The following FAM135A variants were observed in gnomAD, a reference collection of about 807,000 sequenced individuals.
FAM135A encodes protein FAM135A.
In FAM135A, 79 loss-of-function variants were observed where a neutral mutation model predicts 146.8. The ratio of observed to expected loss-of-function variants is 0.54; its 90% CI spans 0.45 to 0.65. The LOEUF (loss-of-function observed/expected upper bound fraction) is 0.65, where lower values mean the gene tolerates loss of function less well. Among genes scored for constraint, FAM135A ranks in the 30% least tolerant of loss-of-function variants. The probability of loss-of-function intolerance (pLI) is 0.00; values close to 1 mark genes in which losing one functional copy is unlikely to be tolerated. For missense variants in FAM135A, 1,623 were observed against 1,758.2 expected (o/e 0.92, Z 1.38); for synonymous variants, 562 against 603.6 (o/e 0.93, Z 1.01).
At chr6:70,452,358 A>G (rs1777295466) in intron 4 of FAM135A, 134 bp from the exon 5 acceptor site, 1 of 642,422 alleles carries the variant, frequency 1.6e-6, no homozygotes, top group Non-Finnish European at 2.6e-6. Context: ...TTTTTCCAAC[A>G]ATAGTAAATG....
chr6:70,522,506 T>C lies in FAM135A; in HGVS notation c.1030-7T>C. ...TGTTATTAATACTCTCCTTTGGAAT[T>C]TTTTAGGTACGCAGATTTTCTGAGG... On this transcript the variant is annotated splice_region_variant and splice_polypyrimidine_tract_variant and intron_variant, in intron 12 of 21. Transcript: ENST00000418814. 1.9e-6 allele frequency: 3 copies of C among 1,612,600 alleles called. No individual in the cohort carries two copies. Among genetic ancestry groups the C allele is most frequent in the Non-Finnish European group, 2.5e-6 (3 of 1,179,012 alleles).
chr6:70,492,170 T>C (rs945866140), intron 11 of FAM135A, among the ~76,000 whole-genome samples: 1 of 151,646 alleles, frequency 6.6e-6, no homozygotes. Flanking sequence ...GGAAATAAGG[T>C]AGGATTTCTC....
intron 12 of FAM135A, among the ~76,000 whole-genome samples, chr6:70,516,629 G>A (rs1416691104): frequency 2.7e-5 from 4 of 145,536 alleles, no homozygotes; most frequent in Non-Finnish European, 4.5e-5. Flanking sequence ...TCCGCCTCCT[G>A]GGTTCACGCC....
At chr6:70,455,064 A>C (rs1424923966) in intron 5 of FAM135A, among the ~76,000 whole-genome samples, 1 of 152,220 alleles carries the variant, frequency 6.6e-6, no homozygotes, top group East Asian at 1.9e-4. Context: ...ATCCACGAGC[A>C]TGGAATGTTT....
intron 12 of FAM135A, among the ~76,000 whole-genome samples, chr6:70,505,829 A>G (rs1212262130): frequency 1.3e-5 from 2 of 151,836 alleles, no homozygotes; most frequent in Non-Finnish European, 2.9e-5. Context: ...TTGTTTCATT[A>G]TTTTTGCTAT....
intron 11 of FAM135A, 132 bp from the exon 12 acceptor site, chr6:70,502,504 G>C (rs1421703754): frequency 1.3e-6 from 1 of 787,698 alleles, no homozygotes; most frequent in Admixed American, 2.8e-5. Context: ...ACATGTGCAT[G>C]CACATACAAA....
intron 7 of FAM135A, among the ~76,000 whole-genome samples, chr6:70,476,266 C>T (rs1202497634): frequency 1.3e-5 from 2 of 152,148 alleles, no homozygotes; most frequent in Non-Finnish European, 2.9e-5. Flanking sequence ...TGCTTGTGTT[C>T]ATTTAAAACA....
chr6:70,437,632 A>G (rs1773471596), intron 4 of FAM135A, among the ~76,000 whole-genome samples: 1 of 152,116 alleles, frequency 6.6e-6, no homozygotes, highest in South Asian at 2.1e-4. Context: ...CAGTCTCAGA[A>G]AATATACTTT....
At chr6:70,506,670 A>T (rs1789829299) in intron 12 of FAM135A, among the ~76,000 whole-genome samples, 1 of 151,582 alleles carries the variant, frequency 6.6e-6, no homozygotes, top group Non-Finnish European at 1.5e-5. Context: ...CAGTAGCAAG[A>T]AATAGTTTTA....
intron 1 of FAM135A, among the ~76,000 whole-genome samples, chr6:70,414,475 C>G (rs540216281): frequency 1.3e-5 from 2 of 152,062 alleles, no homozygotes; most frequent in East Asian, 3.9e-4. Flanking sequence ...CCCAGTGAGT[C>G]TCTAATCTTA....
chr6:70,476,035 T>C (rs1392886851), intron 7 of FAM135A, among the ~76,000 whole-genome samples: 1 of 152,236 alleles, frequency 6.6e-6, no homozygotes, highest in African/African-American at 2.4e-5. Flanking sequence ...AAATGAGCTC[T>C]TTTCCACTGT....
At chr6:70,432,228 A>G (rs146436227) in intron 4 of FAM135A, among the ~76,000 whole-genome samples, 1 of 152,256 alleles carries the variant, frequency 6.6e-6, no homozygotes, top group African/African-American at 2.4e-5. Flanking sequence ...TTTTCTGACA[A>G]TGGAAAAAAT....
intron 4 of FAM135A, among the ~76,000 whole-genome samples, chr6:70,432,924 A>T (rs1772011163): frequency 6.6e-6 from 1 of 151,968 alleles, no homozygotes; most frequent in African/African-American, 2.4e-5. Context: ...AATTGTAGGG[A>T]CTTTTTTTAG....
At chr6:70,481,679 CTAT>C (rs1161622754) in intron 9 of FAM135A, among the ~76,000 whole-genome samples, 1 of 150,472 alleles carries the variant, frequency 6.6e-6, no homozygotes, top group Admixed American at 6.6e-5. Flanking sequence ...ACAAGTACAG[CTAT>C]TATTATAAAA....
At chr6:70,489,046 C>T (rs1287096763) in intron 10 of FAM135A, among the ~76,000 whole-genome samples, 1 of 152,130 alleles carries the variant, frequency 6.6e-6, no homozygotes, top group Non-Finnish European at 1.5e-5. Context: ...TGCAAACATA[C>T]CCATTTATGC....
intron 12 of FAM135A, among the ~76,000 whole-genome samples, chr6:70,510,604 T>C (rs1790776720): frequency 6.6e-6 from 1 of 152,132 alleles, no homozygotes. Flanking sequence ...ATCCATATAA[T>C]GATTTATTTT....
At chr6:70,540,945 TCC>T (rs1797805503) in intron 20 of FAM135A, among the ~76,000 whole-genome samples, 1 of 152,196 alleles carries the variant, frequency 6.6e-6, no homozygotes. Flanking sequence ...TTTTCACTGC[TCC>T]CTTCATTTCT....
At chr6:70,523,743 T>G (rs935109106) in intron 13 of FAM135A, among the ~76,000 whole-genome samples, 5 of 152,160 alleles carry the variant, frequency 3.3e-5, no homozygotes, top group Non-Finnish European at 5.9e-5. Flanking sequence ...ATTACATAAA[T>G]AATTAGCAGT....
intron 10 of FAM135A, chr6:70,486,172 G>A: frequency 6.2e-7 from 1 of 1,613,656 alleles, no homozygotes; most frequent in Non-Finnish European, 8.5e-7. Flanking sequence ...ACTAGCCAAG[G>A]CCAACATGCA....
Sources: allele counts gnomAD v4.1 joint callset (sites outside exome capture counted in the v4.1 genomes callset), GRCh38; gene constraint gnomAD v4.1.1; transcripts MANE v1.5; gene names NCBI Gene and HGNC (gene_info 2026-07-23, HGNC 2026-07-21).